SUGCT: variants seen among roughly 807,000 people sequenced by gnomAD.
SUGCT encodes the protein succinyl-CoA:glutarate-CoA transferase, also known as succinyl-CoA:glutarate CoA-transferase.
SUGCT carries 41 observed loss-of-function variants against 55.0 expected under a neutral mutation model. The observed-to-expected ratio is 0.74, with a 90% CI of 0.58 to 0.97. The LOEUF (loss-of-function observed/expected upper bound fraction) is 0.97. Among genes scored for constraint, SUGCT ranks in the 50% least tolerant of loss-of-function variants. SUGCT has a pLI of 0.00. For missense variants in SUGCT, 568 were observed against 547.8 expected (o/e 1.04, Z -0.37); for synonymous variants, 187 against 200.4 (o/e 0.93, Z 0.56).
At chr7:40,830,249 A>G (rs1030410443) in intron 13 of SUGCT, among the ~76,000 whole-genome samples, 2 of 152,078 alleles carry the variant, frequency 1.3e-5, no homozygotes, top group Admixed American at 6.5e-5. Flanking sequence ...GCTTTTCACA[A>G]TGTAAACTCC....
At chr7:40,234,166 A>T (rs1419295658) in intron 6 of SUGCT, among the ~76,000 whole-genome samples, 1 of 152,170 alleles carries the variant, frequency 6.6e-6, no homozygotes, top group Non-Finnish European at 1.5e-5. Context: ...CATTTGAGGG[A>T]TTTGGGCTCC....
intron 12 of SUGCT, among the ~76,000 whole-genome samples, chr7:40,528,673 A>G (rs1032301383): frequency 5.3e-5 from 8 of 152,210 alleles, no homozygotes; most frequent in Non-Finnish European, 1.5e-5. Flanking sequence ...TCTGAACTGT[A>G]TATTTGGATT....
intron 12 of SUGCT, among the ~76,000 whole-genome samples, chr7:40,746,480 T>C (rs769148833): frequency 6.6e-6 from 1 of 152,196 alleles, no homozygotes; most frequent in African/African-American, 2.4e-5. Flanking sequence ...ATTTGCCTCA[T>C]AATTGTATGC....
At chr7:40,909,346 C>T in the SUGCT span, among the ~76,000 whole-genome samples, 2 of 152,280 alleles carry the variant, frequency 1.3e-5, no homozygotes, top group Non-Finnish European at 2.9e-5. Context: ...CCAAACAGTG[C>T]GTGCCTCCAC....
the SUGCT span, among the ~76,000 whole-genome samples, chr7:40,928,887 C>T: frequency 2.0e-5 from 3 of 152,162 alleles, no homozygotes; most frequent in Non-Finnish European, 4.4e-5. Flanking sequence ...GCATGAGCCA[C>T]CCTGCCCGGC....
At chr7:40,553,480 T>G (rs1795406100) in intron 12 of SUGCT, among the ~76,000 whole-genome samples, 1 of 152,234 alleles carries the variant, frequency 6.6e-6, no homozygotes, top group Admixed American at 6.5e-5. Context: ...GATAATTTTT[T>G]TATTTTTTAT....
At chr7:40,769,236 A>C (rs898704523) in intron 13 of SUGCT, among the ~76,000 whole-genome samples, 1 of 152,192 alleles carries the variant, frequency 6.6e-6, no homozygotes, top group East Asian at 1.9e-4. Flanking sequence ...AATTGACTTA[A>C]GTGGCTTTTA....
intron 9 of SUGCT, among the ~76,000 whole-genome samples, chr7:40,397,029 A>G (rs1216040368): frequency 6.6e-6 from 1 of 152,226 alleles, no homozygotes; most frequent in African/African-American, 2.4e-5. Context: ...TATATCAGAT[A>G]GACCTTACCA....
the SUGCT span, among the ~76,000 whole-genome samples, chr7:40,948,171 A>G: frequency 1.3e-5 from 2 of 152,336 alleles, no homozygotes; most frequent in East Asian, 1.9e-4. Context: ...CTAAATGTCA[A>G]ACAGAATATA....
the SUGCT span, among the ~76,000 whole-genome samples, chr7:41,008,447 C>T: frequency 2.6e-5 from 4 of 152,164 alleles, no homozygotes; most frequent in African/African-American, 9.7e-5. Flanking sequence ...ATTTCATGTC[C>T]TCTCAGCACA....
chr7:40,864,055 T>C (rs1275777631), downstream of SUGCT, among the ~76,000 whole-genome samples: 1 of 152,178 alleles, frequency 6.6e-6, no homozygotes, highest in Non-Finnish European at 1.5e-5. Flanking sequence ...TATCCCAGTA[T>C]AGCAAAACTA....
At chr7:40,540,563 C>A (rs1027931924) in intron 12 of SUGCT, among the ~76,000 whole-genome samples, 2 of 152,238 alleles carry the variant, frequency 1.3e-5, no homozygotes, top group Non-Finnish European at 2.9e-5. Context: ...GCTTCCTGCA[C>A]TGGCTGCTAG....
intron 12 of SUGCT, among the ~76,000 whole-genome samples, chr7:40,704,020 G>A (rs1333373080): frequency 2.6e-5 from 4 of 152,174 alleles, no homozygotes; most frequent in African/African-American, 4.8e-5. Flanking sequence ...GAACACTGAC[G>A]AGAATCAAGA....
chr7:40,443,330 G>T (rs945804141), intron 9 of SUGCT, among the ~76,000 whole-genome samples: 1 of 152,128 alleles, frequency 6.6e-6, no homozygotes, highest in Non-Finnish European at 1.5e-5. Flanking sequence ...CTAGTTTACA[G>T]TCCCACCAAC....
downstream of SUGCT, among the ~76,000 whole-genome samples, chr7:40,864,500 G>A (rs547252978): frequency 2.2e-4 from 33 of 152,198 alleles, no homozygotes; most frequent in African/African-American, 7.7e-4. Context: ...ACAGGCTTAT[G>A]TGGTGGGTTT....
intron 12 of SUGCT, among the ~76,000 whole-genome samples, chr7:40,621,646 G>A (rs899528736): frequency 6.6e-6 from 1 of 152,152 alleles, no homozygotes; most frequent in African/African-American, 2.4e-5. Flanking sequence ...GAAGAAGGGG[G>A]TGTTTCAGTA....
chr7:40,577,226 A>G (rs1796815198), intron 12 of SUGCT, among the ~76,000 whole-genome samples: 1 of 152,212 alleles, frequency 6.6e-6, no homozygotes, highest in South Asian at 2.1e-4. Flanking sequence ...AGCACCTGTA[A>G]GAGAAAATGA....
the SUGCT span, among the ~76,000 whole-genome samples, chr7:40,927,748 A>G: frequency 1.8e-3 from 279 of 152,288 alleles, no homozygotes; most frequent in Non-Finnish European, 2.8e-3. Context: ...TCCATGTAAC[A>G]CCACTAAAAT....
At chr7:40,587,562 T>G (rs1797457192) in intron 12 of SUGCT, among the ~76,000 whole-genome samples, 1 of 152,222 alleles carries the variant, frequency 6.6e-6, no homozygotes, top group Non-Finnish European at 1.5e-5. Flanking sequence ...TAACATGAGT[T>G]GACACATTAA....
Sources: allele counts gnomAD v4.1 joint callset (sites outside exome capture counted in the v4.1 genomes callset), GRCh38; gene constraint gnomAD v4.1.1; transcripts MANE v1.5; gene names NCBI Gene and HGNC (gene_info 2026-07-23, HGNC 2026-07-21).